The following SPAG17 variants were observed in gnomAD, a reference collection of about 807,000 sequenced individuals.
SPAG17 encodes sperm-associated antigen 17.
Under a neutral mutation model 273.6 loss-of-function variants are expected in SPAG17, and 169 were observed. The observed-to-expected ratio is 0.62, with a 90% CI of 0.55 to 0.70. The LOEUF (loss-of-function observed/expected upper bound fraction) is 0.70. SPAG17 is among the 30% of genes least tolerant of loss of function. The pLI is 0.00. For synonymous variants in SPAG17, 825 were observed against 873.2 expected (o/e 0.94, Z 0.97); for missense variants, 2,557 against 2,627.8 (o/e 0.97, Z 0.59).
rs767216369 is a variant in SPAG17, at chr1:117,973,484, T to G, written c.6082A>C (p.Lys2028Gln). ...QDVAGQTRKEKVKLPHYLLSS... is the reference protein window; with the variant it reads ...QDVAGQTRKEQVKLPHYLLSS... ...AGCAAATAATGAGGCAACTTCACTTTTTCTTTTCTTGTTTGTCCCGCAACA... is the reference window on the plus strand; with the variant it reads ...AGCAAATAATGAGGCAACTTCACTTGTTCTTTTCTTGTTTGTCCCGCAACA... The change falls in exon 44 of 49, where the codon AAA (lysine) becomes CAA (glutamine). Residue 2028 changes from lysine to glutamine, a missense_variant. Physicochemically the swap from Lys to Gln is moderately conservative, Grantham distance 53. Transcript: ENST00000336338. 1 of 1,614,110 alleles carries G rather than the reference T, an allele frequency of 6.2e-7. No homozygotes were observed. The highest frequency in any genetic ancestry group is 1.7e-5 in the Admixed American group (1 of 60,016).
At chr1:118,032,058 T>A (rs752911844) in intron 24 of SPAG17, among the ~76,000 whole-genome samples, 191 bp from the exon 25 acceptor site, 1 of 152,152 alleles carries the variant, frequency 6.6e-6, no homozygotes, top group Non-Finnish European at 1.5e-5. Context: ...GTTAGAAAAT[T>A]TGAGGTATTT....
At chr1:118,170,680 G>A (rs553580324) in intron 1 of SPAG17, among the ~76,000 whole-genome samples, 1 of 152,296 alleles carries the variant, frequency 6.6e-6, no homozygotes, top group Non-Finnish European at 1.5e-5. Context: ...AAATCTCAGA[G>A]CGGGTAAGAA....
In SPAG17 at chr1:117,996,457, G is replaced by A. The variant is rs371789370; in HGVS notation, c.4966C>T (p.Arg1656Ter). The change falls in exon 34 of 49, where the codon CGA (arginine) becomes TGA (stop). Residue 1656 changes from arginine (R) to a stop codon, truncating the protein, a stop_gained. Coordinates refer to ENST00000336338, the MANE Select transcript of SPAG17 (RefSeq NM_206996.4). LOFTEE classifies it high-confidence loss of function. ...AGATATTCTTCTATGTCACTGTCTCGAAGAAGTTCCATTCCTGATCCATCA... is the reference window on the plus strand; with the variant it reads ...AGATATTCTTCTATGTCACTGTCTCAAAGAAGTTCCATTCCTGATCCATCA... The part of the protein sequence containing the change: ...YADGSGMELL[R>*]DSDIEEYLSL... 1.1e-5 allele frequency: 17 copies of A among 1,612,794 alleles called. No individual in the cohort carries two copies. The highest frequency in any genetic ancestry group is 1.3e-5 in the African/African-American group (1 of 74,806).
At position 118,137,514 on chromosome 1, in the gene SPAG17, A is replaced by T. The variant is rs187076352; in HGVS notation, c.315+13029T>A. 9.8e-5 allele frequency among the ~76,000 whole-genome samples: 15 copies of T among 152,326 alleles called. No individual in the cohort carries two copies. In the East Asian group the frequency reaches 2.7e-3, roughly 27 times the overall value. On this transcript the variant is annotated intron_variant, in intron 3 of 48. Transcript: ENST00000336338. The stretch of plus-strand genomic sequence containing the variant: ...GTGATCCAAATATGTATGAAGTTAA[A>T]ATATAAACTTTTAAAGGAAGGCATT...
At chr1:118,086,643 T>C (rs2102169904) in intron 12 of SPAG17, 28 bp downstream of exon 12, 1 of 1,591,386 alleles carries the variant, frequency 6.3e-7, no homozygotes, top group South Asian at 1.1e-5. Context: ...CACATCGGTT[T>C]TCCTTGGGCT....
At chr1:117,996,322 G>A (rs770155632) in intron 34 of SPAG17, 48 bp downstream of exon 34, 1 of 1,553,268 alleles carries the variant, frequency 6.4e-7, no homozygotes, top group South Asian at 1.2e-5. Context: ...AGGAGGATGA[G>A]AATTGGCAAA....
intron 4 of SPAG17, among the ~76,000 whole-genome samples, 193 bp from the exon 5 acceptor site, chr1:118,102,119 GA>G (rs1400281746): frequency 6.6e-6 from 1 of 152,202 alleles, no homozygotes; most frequent in African/African-American, 2.4e-5. Context: ...ATTTATGCAT[GA>G]GGACTGGAGG....
chr1:118,064,975 T>C (rs911808932), intron 18 of SPAG17, among the ~76,000 whole-genome samples: 2 of 151,440 alleles, frequency 1.3e-5, no homozygotes, highest in African/African-American at 4.8e-5. Context: ...AGAGGAGAAA[T>C]AAACAAGATG....
chr1:118,084,555 G>T (rs1357517060), intron 13 of SPAG17, among the ~76,000 whole-genome samples: 1 of 152,158 alleles, frequency 6.6e-6, no homozygotes, highest in Non-Finnish European at 1.5e-5. Context: ...GTATCTTAAT[G>T]ACCCCTCTTC....
At chr1:118,127,510 A>C (rs981560305) in intron 3 of SPAG17, among the ~76,000 whole-genome samples, 5 of 152,204 alleles carry the variant, frequency 3.3e-5, no homozygotes, top group Admixed American at 3.3e-4. Context: ...GGATAGCCCA[A>C]GCCATTCATG....
intron 28 of SPAG17, among the ~76,000 whole-genome samples, chr1:118,017,895 G>C (rs1660133349): frequency 6.6e-6 from 1 of 152,090 alleles, no homozygotes; most frequent in Admixed American, 6.6e-5. Flanking sequence ...TAAGAGGAAG[G>C]AAACAAGCAG....
intron 41 of SPAG17, 59 bp from the exon 42 acceptor site, chr1:117,983,972 AAT>A: frequency 1.4e-6 from 1 of 717,762 alleles, no homozygotes. Flanking sequence ...AACTGTCGCA[AAT>A]ATGTTAAATT....
Position 118,016,124 on chromosome 1 carries a change from A to C in SPAG17, c.4128T>G (p.Pro1376=). 2 of 1,614,060 alleles carry C rather than the reference A, an allele frequency of 1.2e-6. No individual in the cohort carries two copies. The highest frequency in any genetic ancestry group is 8.5e-7 in the Non-Finnish European group (1 of 1,179,966). The part of the protein sequence containing the change: ...MAHKGEIHDP[P]PEAVQTVTPV... ...GAGTTACAGTTTGAACTGCCTCTGG[A>C]GGAGGGTCATGGATTTCACCCTTAT... Residue 1376 remains proline (P), a synonymous_variant, in exon 29 of 49, where the codon CCT becomes CCG. Transcript: ENST00000336338.
In SPAG17 at chr1:118,151,331, G is replaced by A. The variant is rs780654318; in HGVS notation, c.126C>T (p.Asn42=). Residue 42 remains asparagine, a synonymous_variant, in exon 2 of 49, where the codon AAC becomes AAT. Coordinates refer to ENST00000336338, the MANE Select transcript of SPAG17 (RefSeq NM_206996.4). ...WQASIAFVVG[N]QIEDDLLIQA... Reference sequence around the variant, plus strand: ...GGATGAGAAGATCATCTTCAATCTGGTTCCCAACCACAAAAGCAATGGAGG... The same window carrying A: ...GGATGAGAAGATCATCTTCAATCTGATTCCCAACCACAAAAGCAATGGAGG... 1.2e-6 allele frequency: 2 copies of A among 1,612,636 alleles called. No homozygotes were observed. Among genetic ancestry groups the A allele is most frequent in the Admixed American group, 3.3e-5 (2 of 59,940 alleles).
chr1:118,098,736 T>C (rs1184701789), intron 6 of SPAG17, among the ~76,000 whole-genome samples: 1 of 152,142 alleles, frequency 6.6e-6, no homozygotes, highest in African/African-American at 2.4e-5. Context: ...GAAAACCACA[T>C]GAATCAATGT....
At chr1:118,068,293 T>C (rs1358871646) in intron 17 of SPAG17, among the ~76,000 whole-genome samples, 1 of 152,074 alleles carries the variant, frequency 6.6e-6, no homozygotes, top group Non-Finnish European at 1.5e-5. Context: ...GAGTGGCACT[T>C]TTACATCTGT....
rs1648018939 is a variant in SPAG17, at chr1:118,028,380, T to C, written c.3624A>G (p.Glu1208=). 6.2e-7 allele frequency: 1 copy of C among 1,613,428 alleles called. No homozygotes were observed. The highest frequency in any genetic ancestry group is 8.5e-7 in the Non-Finnish European group (1 of 1,179,708). ...KEEEKKEEEV[E]PEPVLQETLD... ...AAGTCTCTTGTAAAACAGGTTCTGG[T>C]TCTACTTCTTCTTCCTGTAAATAAT... Residue 1208 remains glutamate, a synonymous_variant, in exon 26 of 49, where the codon GAA becomes GAG. Transcript: ENST00000336338.
At chr1:118,180,355 T>C (rs1439946620) in intron 1 of SPAG17, among the ~76,000 whole-genome samples, 2 of 152,036 alleles carry the variant, frequency 1.3e-5, no homozygotes, top group East Asian at 1.9e-4. Context: ...AAGATGAATA[T>C]CGTATGTTCT....
At chr1:117,988,072 T>C in intron 39 of SPAG17, 33 bp downstream of exon 39, 1 of 1,551,652 alleles carries the variant, frequency 6.4e-7, no homozygotes, top group Non-Finnish European at 8.7e-7. Context: ...GCATACCTAA[T>C]ACTAATTAGA....
Sources: gnomAD v4.1 joint callset for allele counts (sites outside exome capture counted in the v4.1 genomes callset) on GRCh38, gnomAD v4.1.1 for gene constraint, MANE v1.5 for transcripts, NCBI Gene and HGNC (gene_info 2026-07-23, HGNC 2026-07-21) for gene names.